SUGCT: variants seen among roughly 807,000 people sequenced by gnomAD.
The protein encoded by SUGCT is succinyl-CoA:glutarate-CoA transferase.
A neutral mutation model predicts 55.0 loss-of-function variants in SUGCT; 41 were observed. That is an observed-to-expected ratio of 0.74 (90% CI 0.58 to 0.97). SUGCT has a LOEUF of 0.97. Ranked by LOEUF, SUGCT falls within the 50% of genes least tolerant of loss-of-function variation. The pLI is 0.00. For synonymous variants in SUGCT, 187 were observed against 200.4 expected, an observed-to-expected ratio of 0.93 and a Z score of 0.56; for missense variants, 568 against 547.8, an observed-to-expected ratio of 1.04 and a Z score of -0.37.
intron 12 of SUGCT, among the ~76,000 whole-genome samples, chr7:40,648,955 T>C (rs939419591): frequency 6.6e-6 from 1 of 152,224 alleles, no homozygotes; most frequent in Non-Finnish European, 1.5e-5. Context: ...AGGAAACTAA[T>C]ATAATGAGAA....
At chr7:40,946,341 A>G in the SUGCT span, among the ~76,000 whole-genome samples, 1 of 152,266 alleles carries the variant, frequency 6.6e-6, no homozygotes, top group South Asian at 2.1e-4. Context: ...CGGGGCTGAG[A>G]CAGGCAAGTC....
At chr7:40,754,443 C>T (rs1788159105) in intron 13 of SUGCT, among the ~76,000 whole-genome samples, 1 of 152,154 alleles carries the variant, frequency 6.6e-6, no homozygotes, top group African/African-American at 2.4e-5. Context: ...CCTCCCCTGC[C>T]CCCGACAACT....
chr7:40,798,419 A>C (rs1584457670), intron 13 of SUGCT, among the ~76,000 whole-genome samples: 2 of 152,204 alleles, frequency 1.3e-5, no homozygotes, highest in East Asian at 3.8e-4. Context: ...ACTTTTTAAA[A>C]GGGAAAATAT....
intron 9 of SUGCT, among the ~76,000 whole-genome samples, chr7:40,397,437 A>C (rs1272728737): frequency 6.6e-6 from 1 of 152,038 alleles, no homozygotes; most frequent in Non-Finnish European, 1.5e-5. Context: ...ATTTTGCCTT[A>C]TGTTTTAGTT....
rs369255757 is a variant in SUGCT at position 40,477,513 on chromosome 7, G to A, written c.986+18315G>A. On this transcript the variant is annotated intron_variant, in intron 11 of 13. Transcript: ENST00000335693. ...TGTCGGCAAAATTTATTCTACCTTT[G>A]GAATCTTTTGGAATAAAAAATAACA... Among the ~76,000 whole-genome samples, 160 of 152,084 alleles carry A rather than the reference G, an allele frequency of 1.1e-3. 1 individual carries two copies. Among genetic ancestry groups the A allele is most frequent in the African/African-American group, 3.6e-3 (151 of 41,486 alleles).
chr7:40,194,858 G>T, intron 5 of SUGCT, 82 bp from the exon 6 acceptor site: 1 of 1,464,992 alleles, frequency 6.8e-7, no homozygotes, highest in East Asian at 2.4e-5. Flanking sequence ...TACAAAGGGA[G>T]AATCAATTGT....
intron 12 of SUGCT, among the ~76,000 whole-genome samples, chr7:40,715,675 T>G (rs1201964365): frequency 7.2e-5 from 11 of 152,174 alleles, no homozygotes; most frequent in Admixed American, 7.2e-4. Context: ...TGAGTCCGGA[T>G]TCCACCTCCT....
At chr7:40,892,047 A>C in the SUGCT span, among the ~76,000 whole-genome samples, 1 of 152,152 alleles carries the variant, frequency 6.6e-6, no homozygotes, top group Non-Finnish European at 1.5e-5. Flanking sequence ...CATAAGGATA[A>C]AAATATAGTC....
At chr7:40,185,440 C>G (rs1785445728) in intron 3 of SUGCT, among the ~76,000 whole-genome samples, 1 of 152,188 alleles carries the variant, frequency 6.6e-6, no homozygotes, top group Admixed American at 6.5e-5. Flanking sequence ...AACTAAACCA[C>G]AACAGATCTT....
At chr7:40,343,501 A>G (rs910766755) in intron 9 of SUGCT, among the ~76,000 whole-genome samples, 3 of 152,112 alleles carry the variant, frequency 2.0e-5, no homozygotes, top group Non-Finnish European at 4.4e-5. Flanking sequence ...AACGAACCCT[A>G]GATATCTCTA....
chr7:40,351,457 A>T (rs774740285), intron 9 of SUGCT, among the ~76,000 whole-genome samples: 9 of 151,852 alleles, frequency 5.9e-5, no homozygotes, highest in Non-Finnish European at 1.0e-4. Context: ...TGGATTATTT[A>T]TTTAGGAATT....
intron 8 of SUGCT, among the ~76,000 whole-genome samples, chr7:40,289,595 A>G (rs931207989): frequency 1.3e-5 from 2 of 152,182 alleles, no homozygotes; most frequent in African/African-American, 2.4e-5. Context: ...AAACTGGCAC[A>G]AGACAGGGAT....
intron 8 of SUGCT, among the ~76,000 whole-genome samples, chr7:40,301,395 A>G (rs963426300): frequency 6.6e-6 from 1 of 152,232 alleles, no homozygotes; most frequent in Non-Finnish European, 1.5e-5. Flanking sequence ...TGTTTAATTA[A>G]TATAGCAATC....
intron 6 of SUGCT, among the ~76,000 whole-genome samples, chr7:40,196,664 C>T (rs1786307365): frequency 6.6e-6 from 1 of 152,248 alleles, no homozygotes; most frequent in East Asian, 1.9e-4. Flanking sequence ...GGCAGGACAA[C>T]ACCAAGTGCA....
intron 9 of SUGCT, among the ~76,000 whole-genome samples, chr7:40,383,506 C>T (rs1017800924): frequency 6.6e-6 from 1 of 152,168 alleles, no homozygotes; most frequent in Non-Finnish European, 1.5e-5. Flanking sequence ...ATAGAAAGGA[C>T]TGTGCTACTT....
At chr7:40,853,009 T>C (rs1406217976) in intron 13 of SUGCT, among the ~76,000 whole-genome samples, 2 of 151,628 alleles carry the variant, frequency 1.3e-5, no homozygotes, top group Admixed American at 1.3e-4. Flanking sequence ...TGTTACTAAT[T>C]GATGAGTTTG....
rs1053521528 is a variant in SUGCT at position 40,268,319 on chromosome 7, C to G, written c.577-6194C>G. On this transcript the variant is annotated intron_variant, in intron 7 of 13. Coordinates refer to ENST00000335693, the MANE Select transcript of SUGCT (RefSeq NM_001193313.2). ...TTCTGTCTCTATGGATTTGCCTGTT[C>G]TGGACAGTTCACGTAAATGGAATTA... Among the ~76,000 whole-genome samples, 10 of 152,304 alleles carry G rather than the reference C, an allele frequency of 6.6e-5. No individual in the cohort carries two copies. In the South Asian group the frequency reaches 8.3e-4, roughly 13 times the overall value.
chr7:41,034,618 AC>A, the SUGCT span, among the ~76,000 whole-genome samples: 1 of 152,126 alleles, frequency 6.6e-6, no homozygotes, highest in Admixed American at 6.5e-5. Context: ...TCATTTATTC[AC>A]CATTTAACAT....
At chr7:40,323,304 GA>G (rs1795848087) in intron 9 of SUGCT, among the ~76,000 whole-genome samples, 1 of 152,114 alleles carries the variant, frequency 6.6e-6, no homozygotes, top group African/African-American at 2.4e-5. Context: ...AAGTGCATGT[GA>G]ATCATTTGGA....
Sources: allele counts gnomAD v4.1 joint callset (sites outside exome capture counted in the v4.1 genomes callset), GRCh38; gene constraint gnomAD v4.1.1; transcripts MANE v1.5; gene names NCBI Gene and HGNC (gene_info 2026-07-23, HGNC 2026-07-21).